Variants in VWDE observed in about 807,000 individuals in gnomAD.
The protein encoded by VWDE is von Willebrand factor D and EGF domain-containing protein.
Under a neutral mutation model 178.4 loss-of-function variants are expected in VWDE, and 207 were observed. The ratio of observed to expected loss-of-function variants is 1.16; its 90% confidence interval spans 1.04 to 1.30. The LOEUF (loss-of-function observed/expected upper bound fraction) is 1.30, where lower values mean the gene tolerates loss of function less well. Among genes scored for constraint, VWDE ranks in the 50% most tolerant of loss-of-function variants. The probability of loss-of-function intolerance (pLI) is 0.00; values close to 1 mark genes in which losing one functional copy is unlikely to be tolerated. For missense variants in VWDE, 2,287 were observed against 1,901.3 expected, an observed-to-expected ratio of 1.20 and a Z score of -3.77; for synonymous variants, 738 against 651.4, an observed-to-expected ratio of 1.13 and a Z score of -2.02.
chr7:12,359,549 A>C (rs1231133427), intron 16 of VWDE, 29 bp downstream of exon 16: 2 of 1,418,852 alleles, frequency 1.4e-6, no homozygotes, highest in South Asian at 2.5e-5. Flanking sequence ...TTGTATAGGA[A>C]ATATTTGGAT....
At position 12,344,531 on chromosome 7, in the gene VWDE, G is replaced by A. The variant is rs902288360; in HGVS notation, c.3887-62C>T. On this transcript the variant is annotated intron_variant, in intron 19 of 28. Coordinates refer to ENST00000275358, the MANE Select transcript of VWDE (RefSeq NM_001135924.3). ...AAACAGAACATACATATTGCTCAGA[G>A]ACTTAGTTATGATAGAAGCAAAAGT... 6.8e-6 allele frequency: 9 copies of A among 1,317,792 alleles called. No individual in the cohort carries two copies. The Admixed American group carries it at 2.1e-4, about 30-fold the overall frequency. 81.6% of individuals were successfully genotyped at this position (1,317,792 alleles called of 1,614,324 possible). A position where few individuals can be genotyped will look rare whatever the true frequency, so the allele number is the denominator to read the frequency against.
At chr7:12,346,348 T>C (rs58932362) in intron 19 of VWDE, among the ~76,000 whole-genome samples, 2,677 of 152,192 alleles carry the variant, frequency 0.018, 75 homozygotes, top group African/African-American at 0.061. Flanking sequence ...AGCCATTCAC[T>C]ATGAAACAAT....
intron 27 of VWDE, 56 bp from the exon 28 acceptor site, chr7:12,333,624 T>C (rs1220704577): frequency 1.7e-6 from 2 of 1,210,342 alleles, no homozygotes; most frequent in African/African-American, 1.5e-5. Flanking sequence ...GCTTGTGGCA[T>C]ATTCTATCCT....
At chr7:12,349,601 C>T (rs1781818296) in intron 19 of VWDE, among the ~76,000 whole-genome samples, 1 of 151,082 alleles carries the variant, frequency 6.6e-6, no homozygotes, top group East Asian at 1.9e-4. Flanking sequence ...ATTTAAGTAC[C>T]TATTATGTAT....
chr7:12,363,704 C>T (rs1461147814), intron 13 of VWDE, among the ~76,000 whole-genome samples: 3 of 151,910 alleles, frequency 2.0e-5, no homozygotes, highest in African/African-American at 7.2e-5. Context: ...AAGCAGATGA[C>T]AGGGATGACA....
Position 12,340,305 on chromosome 7 carries a change from A to G in VWDE, c.4366+17T>C, listed in dbSNP as rs538781203. 1.4e-5 allele frequency: 22 copies of G among 1,537,734 alleles called. No homozygotes were observed. The African/African-American group carries it at 2.6e-4, about 18-fold the overall frequency. On this transcript the variant is annotated intron_variant, in intron 24 of 28. Transcript: ENST00000275358. ...CTTTCCATTTGCCCTTTTTACATAC[A>G]AAGAAAGAATAATTACCATTCTGAC...
At chr7:12,388,930 G>A (rs1039491618) in intron 3 of VWDE, 197 bp downstream of exon 3, 3 of 708,186 alleles carry the variant, frequency 4.2e-6, no homozygotes, top group Admixed American at 4.0e-5. Context: ...TCACGTGTGG[G>A]GGGACTTTAC....
intron 1 of VWDE, among the ~76,000 whole-genome samples, chr7:12,398,689 T>C (rs918051291): frequency 1.3e-5 from 2 of 152,162 alleles, no homozygotes; most frequent in African/African-American, 2.4e-5. Context: ...GTAATACATA[T>C]ACACCATGCA....
intron 23 of VWDE, 65 bp from the exon 24 acceptor site, chr7:12,340,482 A>C (rs1781269434): frequency 1.7e-6 from 2 of 1,177,844 alleles, no homozygotes; most frequent in African/African-American, 1.6e-5. Context: ...AAAGCTGCAC[A>C]GAAGTGCAAA....
chr7:12,359,827 TA>T (rs1330775356), intron 15 of VWDE, 135 bp from the exon 16 acceptor site: 1 of 545,658 alleles, frequency 1.8e-6, no homozygotes, highest in Non-Finnish European at 3.3e-6. Flanking sequence ...TTCATAATCG[TA>T]AGTGCATATG....
chr7:12,340,770 T>C (rs967197296), intron 23 of VWDE, among the ~76,000 whole-genome samples: 2 of 152,130 alleles, frequency 1.3e-5, no homozygotes, highest in African/African-American at 2.4e-5. Context: ...GAAGAAACGA[T>C]TGCAAGTTAA....
intron 3 of VWDE, among the ~76,000 whole-genome samples, chr7:12,385,925 T>C (rs1784074878): frequency 6.6e-6 from 1 of 152,164 alleles, no homozygotes; most frequent in African/African-American, 2.4e-5. Context: ...GATAGTGACA[T>C]TAACAAAACA....
intron 22 of VWDE, among the ~76,000 whole-genome samples, chr7:12,342,567 T>G (rs908441477): frequency 1.3e-5 from 2 of 152,136 alleles, no homozygotes; most frequent in African/African-American, 4.8e-5. Flanking sequence ...ATCAGTGCTA[T>G]GCAAGATGGT....
rs541613232 is a variant in VWDE, at chr7:12,369,900, G to A, written c.2406C>T (p.Thr802=). The change falls in exon 12 of 29, where the codon ACC becomes ACT. Residue 802 remains threonine (T), a synonymous_variant. Transcript: ENST00000275358. ...GACAGAGGGTCAAGGTGCTATACTC[G>A]GTGAGGCCAGAGGGAGTGGGCCAAG... is the stretch of plus-strand genomic sequence containing the variant. The part of the protein sequence containing the change: ...FPSWPTPSGL[T]EYSTLTLCQE... 91 of 1,551,348 alleles carry A rather than the reference G, an allele frequency of 5.9e-5. No homozygotes were observed. The highest frequency in any genetic ancestry group is 2.6e-4 in the South Asian group (22 of 84,060).
chr7:12,337,008 C>T lies in VWDE; in HGVS notation c.4538G>A (p.Ser1513Asn), dbSNP rs775096363. 3.9e-6 allele frequency: 6 copies of T among 1,551,238 alleles called. No homozygotes were observed. The South Asian group carries it at 7.1e-5, about 18-fold the overall frequency. Residue 1513 changes from serine (S) to asparagine (N), a missense_variant, in exon 26 of 29, where the codon AGT becomes AAT. Physicochemically the swap from Ser to Asn is conservative, Grantham distance 46. Coordinates refer to ENST00000275358, the MANE Select transcript of VWDE (RefSeq NM_001135924.3). ...CTTACGTGTGTTGCATCGTTTCCCA[C>T]TCCAACCAGAAGGACAAGAGCAAGT... ...PSTCSCPSGW[S>N]GKRCNTPICL... is the part of the protein sequence containing the mutation.
intron 13 of VWDE, among the ~76,000 whole-genome samples, chr7:12,363,829 A>G (rs1782710133): frequency 6.6e-6 from 1 of 152,178 alleles, no homozygotes; most frequent in African/African-American, 2.4e-5. Flanking sequence ...TGTGGAAGAA[A>G]CTCAAAATGG....
chr7:12,345,036 T>C (rs1235090890), intron 19 of VWDE, among the ~76,000 whole-genome samples: 2 of 152,112 alleles, frequency 1.3e-5, no homozygotes, highest in African/African-American at 2.4e-5. Context: ...ATCTGTATAA[T>C]GGGAAAAATA....
At chr7:12,392,625 C>G (rs1022457490) in intron 2 of VWDE, among the ~76,000 whole-genome samples, 2 of 151,988 alleles carry the variant, frequency 1.3e-5, no homozygotes, top group African/African-American at 2.4e-5. Flanking sequence ...AGGGACAACC[C>G]AAGAAATCAC....
chr7:12,401,511 A>C (rs1300909858), intron 1 of VWDE, among the ~76,000 whole-genome samples: 1 of 152,188 alleles, frequency 6.6e-6, no homozygotes, highest in Non-Finnish European at 1.5e-5. Context: ...CTCTGAAGAG[A>C]ATAAGCAAAT....
Sources: gnomAD v4.1 joint callset for allele counts (sites outside exome capture counted in the v4.1 genomes callset) on GRCh38, gnomAD v4.1.1 for gene constraint, MANE v1.5 for transcripts, NCBI Gene and HGNC (gene_info 2026-07-23, HGNC 2026-07-21) for gene names.